AP1G1: variants seen among roughly 807,000 people sequenced by gnomAD.
AP1G1 encodes the protein AP-1 complex subunit gamma-1.
Under a neutral mutation model 108.3 loss-of-function variants are expected in AP1G1, and 7 were observed. The ratio of observed to expected loss-of-function variants is 0.06; its 90% CI spans 0.04 to 0.12. AP1G1 has a LOEUF of 0.12. Among genes scored for constraint, AP1G1 ranks in the 10% least tolerant of loss-of-function variants. AP1G1 has a pLI of 1.00. For missense variants in AP1G1, 756 were observed against 1,010.7 expected, an observed-to-expected ratio of 0.75 and a Z score of 3.42; for synonymous variants, 379 against 353.5, an observed-to-expected ratio of 1.07 and a Z score of -0.81.
At chr16:71,774,738 G>A in intron 2 of AP1G1, 146 bp from the exon 3 acceptor site, 1 of 923,446 alleles carries the variant, frequency 1.1e-6, no homozygotes, top group Non-Finnish European at 1.5e-6. Context: ...TCTTTTTTTT[G>A]AGACGGGGTT....
intron 2 of AP1G1, among the ~76,000 whole-genome samples, chr16:71,781,562 G>A (rs2145507322): frequency 6.6e-6 from 1 of 152,250 alleles, no homozygotes; most frequent in East Asian, 1.9e-4. Context: ...ACTACACATG[G>A]AGAGACAGGT....
At chr16:71,748,668 CAGA>C (rs1411594421) in intron 15 of AP1G1, among the ~76,000 whole-genome samples, 1 of 152,100 alleles carries the variant, frequency 6.6e-6, no homozygotes, top group Non-Finnish European at 1.5e-5. Flanking sequence ...GTGGCAGAAA[CAGA>C]AGAAGAAAAG....
chr16:71,764,416 T>A lies in AP1G1; in HGVS notation c.852A>T (p.Val284=). ...CCGTTTCATAAAGAATAGCATTTCC[T>A]ACATTTTTACTAGTCTCAGTATTAG... ...VATNTETSKN[V]GNAILYETVL... is the part of the protein sequence containing the mutation. Residue 284 remains valine, a synonymous_variant, in exon 9 of 23, where the codon GTA becomes GTT. Coordinates refer to ENST00000299980, the MANE Select transcript of AP1G1 (RefSeq NM_001128.6). 1 of 1,610,276 alleles carries A rather than the reference T, an allele frequency of 6.2e-7. No individual in the cohort carries two copies.
chr16:71,797,580 C>T (rs563463066), intron 1 of AP1G1, among the ~76,000 whole-genome samples: 2 of 152,146 alleles, frequency 1.3e-5, no homozygotes, highest in African/African-American at 4.8e-5. Flanking sequence ...GTAGGCAGAT[C>T]ATGAGGTCAG....
intron 21 of AP1G1, among the ~76,000 whole-genome samples, chr16:71,735,154 G>A (rs1414389766): frequency 1.3e-5 from 2 of 152,190 alleles, no homozygotes; most frequent in Non-Finnish European, 2.9e-5. Flanking sequence ...TAAGCTTTTA[G>A]GCTTTTGTGT....
At chr16:71,754,706 C>T (rs2030686252) in intron 12 of AP1G1, among the ~76,000 whole-genome samples, 1 of 152,028 alleles carries the variant, frequency 6.6e-6, no homozygotes, top group Non-Finnish European at 1.5e-5. Flanking sequence ...GAGGCTGAGG[C>T]AGAAGGATGG....
chr16:71,764,318 A>AG (rs762092753), intron 9 of AP1G1, 32 bp downstream of exon 9: 55 of 1,341,620 alleles, frequency 4.1e-5, no homozygotes, highest in East Asian at 3.4e-4. Context: ...TGAAACATTT[A>AG]GGGGGGGAAG....
In AP1G1 at chr16:71,786,920, G is replaced by A. The variant is rs539841294; in HGVS notation, c.201+2359C>T. On this transcript the variant is annotated intron_variant, in intron 2 of 22. Transcript: ENST00000299980. ...TCTATAAAAAATACAAAAATTAGCC[G>A]GGTGTGGTTCCCAGAAGGTCGAGGC... 2.9e-4 allele frequency among the ~76,000 whole-genome samples: 44 copies of A among 152,144 alleles called. 2 individuals carry two copies. The highest frequency in any genetic ancestry group is 9.2e-4 in the African/African-American group (38 of 41,514).
chr16:71,729,597 GAA>G lies in AP1G1; in HGVS notation c.*3459_*3460del, dbSNP rs952738822. ...TGGGACCCACTCACTGATATTGCTT[GAA>G]AAAGTTATTCACTTCCAGTTCTACA... is the stretch of plus-strand genomic sequence containing the variant. On this transcript the variant is annotated 3_prime_UTR_variant, in exon 23 of 23. Transcript: ENST00000299980. 2.0e-5 allele frequency: 3 copies of G among 152,536 alleles called. No individual in the cohort carries two copies. Among genetic ancestry groups the G allele is most frequent in the African/African-American group, 4.8e-5 (2 of 41,408 alleles). The allele number at this position is 152,536 out of a possible 1,614,324, so 9.4% of individuals were successfully genotyped here.
At chr16:71,775,577 G>C (rs969437376) in intron 2 of AP1G1, among the ~76,000 whole-genome samples, 2 of 151,828 alleles carry the variant, frequency 1.3e-5, no homozygotes, top group Non-Finnish European at 2.9e-5. Flanking sequence ...GTGTACTTAA[G>C]GTATAGTTCC....
chr16:71,767,987 A>G (rs2031384501), intron 6 of AP1G1: 14 of 1,343,400 alleles, frequency 1.0e-5, no homozygotes, highest in African/African-American at 1.5e-5. Context: ...TAATTTAATC[A>G]AGACATGAAC....
At position 71,729,634 on chromosome 16, in the gene AP1G1, A is replaced by C. The variant is rs2045459771; in HGVS notation, c.*3424T>G. 1 of 152,052 alleles carries C rather than the reference A, an allele frequency of 6.6e-6. No homozygotes were observed. The highest frequency in any genetic ancestry group is 1.5e-5 in the Non-Finnish European group (1 of 67,926). The allele number at this position is 152,052 out of a possible 1,614,324, so 9.4% of individuals were successfully genotyped here. ...CACTTCCAGTTCTACAAGCAGCCCC[A>C]CTCTCCCGAGCCAAAGCTGGTCAAA... On this transcript the variant is annotated 3_prime_UTR_variant, in exon 23 of 23. Coordinates refer to ENST00000299980, the MANE Select transcript of AP1G1 (RefSeq NM_001128.6).
intron 6 of AP1G1, among the ~76,000 whole-genome samples, chr16:71,768,672 T>C (rs1193503011): frequency 1.3e-5 from 2 of 150,436 alleles, no homozygotes; most frequent in Admixed American, 6.6e-5. Context: ...TCACAGCACT[T>C]TGGGAGGCTG....
chr16:71,802,848 C>T (rs2032856080), intron 1 of AP1G1, among the ~76,000 whole-genome samples: 1 of 152,118 alleles, frequency 6.6e-6, no homozygotes. Context: ...AGACATGAGC[C>T]ACCAGGTCTG....
chr16:71,794,835 CTTTTTT>C (rs55761928), intron 1 of AP1G1, among the ~76,000 whole-genome samples: 21 of 39,654 alleles, frequency 5.3e-4, no homozygotes, highest in East Asian at 9.2e-4. Context: ...ATGAGAAGTG[CTTTTTT>C]TTTTTTTTTT....
chr16:71,781,906 T>C (rs1322095290), intron 2 of AP1G1, among the ~76,000 whole-genome samples: 1 of 152,194 alleles, frequency 6.6e-6, no homozygotes, highest in African/African-American at 2.4e-5. Flanking sequence ...GTGATCTCAT[T>C]TTGCAAATAT....
intron 9 of AP1G1, among the ~76,000 whole-genome samples, chr16:71,762,770 A>G (rs1567649998): frequency 6.6e-6 from 1 of 152,178 alleles, no homozygotes; most frequent in Admixed American, 6.5e-5. Context: ...AAGCATAAGT[A>G]AAGTGTTTTC....
chr16:71,762,926 C>A (rs942397199), intron 9 of AP1G1, among the ~76,000 whole-genome samples: 2 of 152,150 alleles, frequency 1.3e-5, no homozygotes, highest in Non-Finnish European at 2.9e-5. Context: ...GGGGGTCAGT[C>A]TTCTGGGACT....
Position 71,808,611 on chromosome 16 carries a change from C to T in AP1G1, c.-4+152G>A, listed in dbSNP as rs1050977701. On this transcript the variant is annotated intron_variant, in intron 1 of 22. Coordinates refer to ENST00000299980, the MANE Select transcript of AP1G1 (RefSeq NM_001128.6). The stretch of plus-strand genomic sequence containing the variant: ...TCGGAGCAGCCCCTGGGGCTCCCGG[C>T]CTCTCCTGGCCCAGCTTCTCTGTCT... 3.1e-6 allele frequency: 4 copies of T among 1,289,508 alleles called. No homozygotes were observed. In the African/African-American group the frequency reaches 4.6e-5, roughly 15 times the overall value. The allele number at this position is 1,289,508 out of a possible 1,614,324, so 79.9% of individuals were successfully genotyped here.
Sources: gnomAD v4.1 joint callset for allele counts (sites outside exome capture counted in the v4.1 genomes callset) on GRCh38, gnomAD v4.1.1 for gene constraint, MANE v1.5 for transcripts, NCBI Gene and HGNC (gene_info 2026-07-23, HGNC 2026-07-21) for gene names.